The following MLX variants were observed in gnomAD, a reference collection of about 807,000 sequenced individuals.
MLX encodes max-like protein X.
In MLX, 15 loss-of-function variants were observed where a neutral mutation model predicts 33.0. The ratio of observed to expected loss-of-function variants is 0.45; its 90% confidence interval spans 0.30 to 0.70. The LOEUF is 0.70. Ranked by LOEUF, MLX falls within the 30% of genes least tolerant of loss-of-function variation. MLX has a pLI of 0.07. For missense variants in MLX, 285 were observed against 306.3 expected (o/e 0.93, Z 0.52); for synonymous variants, 115 against 115.6 (o/e 0.99, Z 0.03).
At chr17:42,568,729 C>T (rs1374362889) in intron 3 of MLX, 108 bp from the exon 4 acceptor site, 2 of 1,117,040 alleles carry the variant, frequency 1.8e-6, no homozygotes, top group East Asian at 2.5e-5. Flanking sequence ...TGGTTCTGTC[C>T]ATCTGCCTTC....
At chr17:42,568,586 CG>C (rs757104923) in intron 3 of MLX, 27 bp downstream of exon 3, 2 of 1,584,278 alleles carry the variant, frequency 1.3e-6, no homozygotes, top group East Asian at 2.2e-5. Flanking sequence ...CCCCCGACCT[CG>C]GGGGGCTCAG....
chr17:42,568,082 C>T lies in MLX; in HGVS notation c.80-388C>T, dbSNP rs1377682755. Reference sequence around the variant, plus strand: ...AGCATTTAAGAAAGCCATTGTGTGGCCGGGCGCGGTGGCTCACCCCTGTAA... The same window carrying T: ...AGCATTTAAGAAAGCCATTGTGTGGTCGGGCGCGGTGGCTCACCCCTGTAA... On this transcript the variant is annotated intron_variant, in intron 2 of 7. Transcript: ENST00000435881. 4.9e-5 allele frequency: 11 copies of T among 223,614 alleles called. No homozygotes were observed. The East Asian group carries it at 1.3e-3, about 25-fold the overall frequency. 13.9% of individuals were successfully genotyped at this position (223,614 alleles called of 1,614,324 possible).
At chr17:42,567,357 C>A (rs1597717504) in intron 1 of MLX, 191 bp downstream of exon 1, 2 of 1,402,136 alleles carry the variant, frequency 1.4e-6, no homozygotes, top group Non-Finnish European at 1.9e-6. Flanking sequence ...CGTGTGCGCG[C>A]GAGTCGGGGG....
At position 42,570,170 on chromosome 17, in the gene MLX, A is replaced by G. The variant is rs2143260762; in HGVS notation, c.665A>G (p.His222Arg). The G allele has an allele frequency of 6.2e-7, 1 of 1,613,786 alleles. No individual in the cohort carries two copies. The highest frequency in any genetic ancestry group is 8.5e-7 in the Non-Finnish European group (1 of 1,180,036). ...SACVFSWIEEHCKPQTLREIV... is the reference protein window; with the variant it reads ...SACVFSWIEERCKPQTLREIV... The stretch of plus-strand genomic sequence containing the variant: ...TGTGTCTTCAGCTGGATCGAGGAGC[A>G]CTGTAAGCCTCAGGTATGGGGCAAC... The change falls in exon 7 of 8, where the codon CAC becomes CGC. Residue 222 changes from histidine (H) to arginine (R), a missense_variant. Coordinates refer to ENST00000435881, the MANE Select transcript of MLX (RefSeq NM_198204.2).
rs1404959571 is a variant in MLX, at chr17:42,573,188, C to T, written c.*1585C>T. ...TAGCCTGACAAGAAATAAAACCACC[C>T]GTTTTCAGATGGGCAGCACTGGGCA... On this transcript the variant is annotated 3_prime_UTR_variant, in exon 8 of 8. Coordinates refer to ENST00000435881, the MANE Select transcript of MLX (RefSeq NM_198204.2). 6.8e-6 allele frequency: 11 copies of T among 1,614,160 alleles called. No homozygotes were observed. Among genetic ancestry groups the T allele is most frequent in the Middle Eastern group, 1.6e-4 (1 of 6,062 alleles).
chr17:42,571,053 C>T (rs577945522), intron 7 of MLX, among the ~76,000 whole-genome samples: 236 of 152,064 alleles, frequency 1.6e-3, no homozygotes, highest in Non-Finnish European at 1.9e-3. Context: ...TAAATTTTAC[C>T]GAAACATTTT....
chr17:42,567,924 C>G (rs759016842), intron 2 of MLX: 117 of 553,020 alleles, frequency 2.1e-4, no homozygotes, highest in Non-Finnish European at 3.5e-4. Context: ...GTCCACATGC[C>G]CGTTTGTGAG....
rs761848430 is a variant in MLX at position 42,567,113 on chromosome 17, G to A, written c.-12G>A. 2 of 1,246,662 alleles carry A rather than the reference G, an allele frequency of 1.6e-6. No individual in the cohort carries two copies. Among genetic ancestry groups the A allele is most frequent in the Non-Finnish European group, 2.0e-6 (2 of 995,530 alleles). 77.2% of individuals were successfully genotyped at this position (1,246,662 alleles called of 1,614,324 possible). A position where few individuals can be genotyped will look rare whatever the true frequency, so the allele number is the denominator to read the frequency against. Reference sequence around the variant, plus strand: ...CCGCCCGCTGGCCCGTTTCCGGTCCGGTGGGTACAAGATGACGGAGCCGGG... The same window carrying A: ...CCGCCCGCTGGCCCGTTTCCGGTCCAGTGGGTACAAGATGACGGAGCCGGG... On this transcript the variant is annotated 5_prime_UTR_variant, in exon 1 of 8. Coordinates refer to ENST00000435881, the MANE Select transcript of MLX (RefSeq NM_198204.2).
At chr17:42,568,976 G>C (rs1487761395) in intron 4 of MLX, 33 bp downstream of exon 4, 1 of 1,575,932 alleles carries the variant, frequency 6.3e-7, no homozygotes. Context: ...CAGCCAGTGC[G>C]GGAGGGCCCT....
At position 42,572,991 on chromosome 17, in the gene MLX, T is replaced by C. The variant is rs1222100332; in HGVS notation, c.*1388T>C. ...CCTCAGGGGTCTGGGAGTGTGACGT[T>C]GTAATCTTCATCCGTCTCTATCCCA... On this transcript the variant is annotated 3_prime_UTR_variant, in exon 8 of 8. Coordinates refer to ENST00000435881, the MANE Select transcript of MLX (RefSeq NM_198204.2). 1.2e-6 allele frequency: 2 copies of C among 1,614,182 alleles called. No homozygotes were observed. The highest frequency in any genetic ancestry group is 2.2e-5 in the South Asian group (2 of 91,078).
intron 2 of MLX, 110 bp downstream of exon 2, chr17:42,567,765 A>T: frequency 6.9e-7 from 1 of 1,454,574 alleles, no homozygotes; most frequent in Admixed American, 1.8e-5. Flanking sequence ...CCCTGAGCAG[A>T]GTTCCTGGCT....
intron 7 of MLX, among the ~76,000 whole-genome samples, 170 bp from the exon 8 acceptor site, chr17:42,571,377 T>C (rs566859977): frequency 1.3e-5 from 2 of 152,288 alleles, no homozygotes; most frequent in African/African-American, 4.8e-5. Flanking sequence ...TCCACCCGCC[T>C]TGGCCTCCCG....
At chr17:42,568,999 T>G in intron 4 of MLX, 56 bp downstream of exon 4, 1 of 1,536,928 alleles carries the variant, frequency 6.5e-7, no homozygotes, top group Non-Finnish European at 8.9e-7. Flanking sequence ...ATAGTTTAGC[T>G]TCCCTGTGCC....
chr17:42,572,464 T>TG lies in MLX; in HGVS notation c.*866dup. 2 of 454,478 alleles carry TG rather than the reference T, an allele frequency of 4.4e-6. No homozygotes were observed. Among genetic ancestry groups the TG allele is most frequent in the Non-Finnish European group, 8.8e-6 (2 of 226,736 alleles). The allele number at this position is 454,478 out of a possible 1,614,324, so 28.2% of individuals were successfully genotyped here. Reference sequence around the variant, plus strand: ...TGTTGCCTGCATTTCTCCCAGGACTTGGGGGTGGGGTGAAAAGCGTACAAA... The same window carrying TG: ...TGTTGCCTGCATTTCTCCCAGGACTTGGGGGGTGGGGTGAAAAGCGTACAAA... On this transcript the variant is annotated 3_prime_UTR_variant, in exon 8 of 8. Coordinates refer to ENST00000435881, the MANE Select transcript of MLX (RefSeq NM_198204.2).
Position 42,572,399 on chromosome 17 carries a change from C to T in MLX, c.*796C>T, listed in dbSNP as rs2093038078. 1 of 454,464 alleles carries T rather than the reference C, an allele frequency of 2.2e-6. No homozygotes were observed. Among genetic ancestry groups the T allele is most frequent in the African/African-American group, 2.0e-5 (1 of 49,982 alleles). 28.2% of individuals were successfully genotyped at this position (454,464 alleles called of 1,614,324 possible). On this transcript the variant is annotated 3_prime_UTR_variant, in exon 8 of 8. Coordinates refer to ENST00000435881, the MANE Select transcript of MLX (RefSeq NM_198204.2). ...AATATTAACTGAGCCTCAAAATCAC[C>T]CTTTCTGTCAAGCATATCTTGGCCT... is the stretch of plus-strand genomic sequence containing the variant.
At chr17:42,571,478 C>G (rs2093032210) in intron 7 of MLX, 69 bp from the exon 8 acceptor site, 1 of 1,513,928 alleles carries the variant, frequency 6.6e-7, no homozygotes, top group Admixed American at 1.7e-5. Flanking sequence ...CTGATCTAGG[C>G]AGGCATCTTG....
intron 7 of MLX, among the ~76,000 whole-genome samples, chr17:42,570,631 G>C (rs2093027024): frequency 6.6e-6 from 1 of 152,110 alleles, no homozygotes. Flanking sequence ...TTTTAAACTT[G>C]TGTCTGAGAT....
chr17:42,571,416 C>A, intron 7 of MLX, 131 bp from the exon 8 acceptor site: 2 of 960,042 alleles, frequency 2.1e-6, no homozygotes, highest in Non-Finnish European at 3.3e-6. Flanking sequence ...CGTGAGCCAC[C>A]ACACCTGGCC....
At chr17:42,568,792 C>T (rs1292440316) in intron 3 of MLX, 45 bp from the exon 4 acceptor site, 1 of 1,521,078 alleles carries the variant, frequency 6.6e-7, no homozygotes, top group South Asian at 1.2e-5. Flanking sequence ...CTGGACCCCA[C>T]TGGGCCCCAA....
Sources: allele counts gnomAD v4.1 joint callset (sites outside exome capture counted in the v4.1 genomes callset), GRCh38; gene constraint gnomAD v4.1.1; transcripts MANE v1.5; gene names NCBI Gene and HGNC (gene_info 2026-07-23, HGNC 2026-07-21).